The following DNAH14 variants were observed in gnomAD, a reference collection of about 807,000 sequenced individuals.
DNAH14 encodes dynein axonemal heavy chain 14.
A neutral mutation model predicts 520.9 loss-of-function variants in DNAH14; 478 were observed. That is an observed-to-expected ratio of 0.92 (90% confidence interval 0.85 to 0.99). The LOEUF is 0.99. Ranked by LOEUF, DNAH14 falls within the 50% of genes least tolerant of loss-of-function variation. The pLI is 0.00. For synonymous variants in DNAH14, 1,581 were observed against 1,757.2 expected, an observed-to-expected ratio of 0.90 and a Z score of 2.51; for missense variants, 4,831 against 5,234.5, an observed-to-expected ratio of 0.92 and a Z score of 2.38.
chr1:225,081,292 T>G (rs1231108917), intron 19 of DNAH14, among the ~76,000 whole-genome samples: 1 of 152,156 alleles, frequency 6.6e-6, no homozygotes, highest in Non-Finnish European at 1.5e-5. Context: ...CCCCTATCAC[T>G]CAGCTATACC....
chr1:225,356,807 T>C (rs1386704333), intron 73 of DNAH14, among the ~76,000 whole-genome samples: 2 of 152,160 alleles, frequency 1.3e-5, no homozygotes, highest in Admixed American at 1.3e-4. Flanking sequence ...AAGGATGAAT[T>C]ACCTGAAAAA....
intron 84 of DNAH14, chr1:225,396,947 C>A (rs769245303): frequency 6.6e-6 from 1 of 151,928 alleles, no homozygotes; most frequent in Non-Finnish European, 1.5e-5. Context: ...GGAAAATTTG[C>A]ATTTATATAA....
chr1:225,195,129 C>T (rs969428345), intron 38 of DNAH14, among the ~76,000 whole-genome samples: 2 of 152,110 alleles, frequency 1.3e-5, no homozygotes, highest in Admixed American at 1.3e-4. Flanking sequence ...TTAGAACTAC[C>T]ATTCAATCCA....
At chr1:225,279,732 G>T (rs2093583530) in intron 54 of DNAH14, among the ~76,000 whole-genome samples, 1 of 151,952 alleles carries the variant, frequency 6.6e-6, no homozygotes, top group Admixed American at 6.6e-5. Flanking sequence ...TCACATAAAT[G>T]TTCAGTTTTT....
chr1:225,336,827 T>C (rs1035264171), intron 66 of DNAH14, among the ~76,000 whole-genome samples: 1 of 152,218 alleles, frequency 6.6e-6, no homozygotes, highest in Non-Finnish European at 1.5e-5. Context: ...AGGGTTATTA[T>C]AGTAATTTCA....
chr1:224,944,251 G>T (rs9426096), intron 1 of DNAH14, among the ~76,000 whole-genome samples: 17 of 152,056 alleles, frequency 1.1e-4, no homozygotes, highest in African/African-American at 3.9e-4. Flanking sequence ...ATTATGTAAT[G>T]GCCTTCTTTG....
chr1:225,085,500 T>G lies in DNAH14; in HGVS notation c.3328-44T>G, dbSNP rs78678618. The G allele has an allele frequency of 3.7e-4, 535 of 1,465,488 alleles. 4 individuals carry two copies. The African/African-American group carries it at 7.0e-3, about 19-fold the overall frequency. The allele number at this position is 1,465,488 out of a possible 1,614,324, so 90.8% of individuals were successfully genotyped here. On this transcript the variant is annotated intron_variant, in intron 20 of 85. Transcript: ENST00000682510. ...ATTTCCATTTTGGACATATCAGGAATTATTTGCTATACTGGATACTAAAGA... is the reference window on the plus strand; with the variant it reads ...ATTTCCATTTTGGACATATCAGGAAGTATTTGCTATACTGGATACTAAAGA...
intron 30 of DNAH14, among the ~76,000 whole-genome samples, chr1:225,146,001 AT>A (rs2079903565): frequency 6.6e-6 from 1 of 152,180 alleles, no homozygotes; most frequent in Admixed American, 6.5e-5. Context: ...GAGATCCTGC[AT>A]TTCCAATTTG....
At chr1:225,227,994 T>G (rs2090711276) in intron 41 of DNAH14, among the ~76,000 whole-genome samples, 1 of 152,152 alleles carries the variant, frequency 6.6e-6, no homozygotes, top group East Asian at 1.9e-4. Context: ...GTTAAAATAT[T>G]ACTAGTGTCA....
Position 225,178,933 on chromosome 1 carries a change from G to A in DNAH14, c.5536-6358G>A, listed in dbSNP as rs184991688. Among the ~76,000 whole-genome samples, 50 of 152,224 alleles carry A rather than the reference G, an allele frequency of 3.3e-4. 1 individual carries two copies. The East Asian group carries it at 8.5e-3, about 26-fold the overall frequency. On this transcript the variant is annotated intron_variant, in intron 36 of 85. Coordinates refer to ENST00000682510, the MANE Select transcript of DNAH14 (RefSeq NM_001367479.1). ...GATAGTAAGTCTCACGAGATCTGATGGTTATTTCAAGGGGAATTTTTCCTG... is the reference window on the plus strand; with the variant it reads ...GATAGTAAGTCTCACGAGATCTGATAGTTATTTCAAGGGGAATTTTTCCTG...
At chr1:225,185,193 T>C in intron 36 of DNAH14, 98 bp from the exon 37 acceptor site, 1 of 1,296,886 alleles carries the variant, frequency 7.7e-7, no homozygotes, top group Non-Finnish European at 1.0e-6. Flanking sequence ...TCATTTATTA[T>C]AGCCACAAAA....
chr1:225,041,380 T>C (rs758010404), intron 12 of DNAH14, among the ~76,000 whole-genome samples: 5 of 152,258 alleles, frequency 3.3e-5, no homozygotes, highest in Non-Finnish European at 7.3e-5. Context: ...TAGCTGTGGC[T>C]ATTCCTCTCT....
chr1:225,024,833 ATAT>A (rs1017303206), intron 11 of DNAH14, among the ~76,000 whole-genome samples: 1 of 152,122 alleles, frequency 6.6e-6, no homozygotes, highest in African/African-American at 2.4e-5. Context: ...TTTTTGAAAG[ATAT>A]TATTATAATT....
At position 225,308,323 on chromosome 1, in the gene DNAH14, A is replaced by G; in HGVS notation, c.9153A>G (p.Ser3051=). Residue 3051 remains serine, a synonymous_variant, in exon 60 of 86, where the codon TCA becomes TCG. Transcript: ENST00000682510. The part of the protein sequence containing the change: ...ETLMEKLRKD[S]QVVEKVQMLV... ...TAATGGAAAAACTACGGAAAGATTC[A>G]CAAGTAGTTGAGAAAGTTCAGATGC... The G allele has an allele frequency of 3.2e-6, 5 of 1,543,264 alleles. No individual in the cohort carries two copies. Among genetic ancestry groups the G allele is most frequent in the Non-Finnish European group, 4.4e-6 (5 of 1,144,796 alleles).
intron 36 of DNAH14, among the ~76,000 whole-genome samples, chr1:225,171,126 A>C (rs945404017): frequency 4.6e-5 from 7 of 152,242 alleles, no homozygotes; most frequent in African/African-American, 9.6e-5. Flanking sequence ...AGCAGTGTGT[A>C]GAGGGAAATT....
chr1:225,200,417 A>G (rs113483140), intron 38 of DNAH14, among the ~76,000 whole-genome samples: 18 of 151,578 alleles, frequency 1.2e-4, no homozygotes, highest in Non-Finnish European at 1.9e-4. Flanking sequence ...GGTTTTTTTA[A>G]TTGTATTTTT....
At chr1:225,370,314 G>A (rs1449965352) in intron 77 of DNAH14, among the ~76,000 whole-genome samples, 9 of 150,444 alleles carry the variant, frequency 6.0e-5, no homozygotes, top group South Asian at 2.1e-4. Flanking sequence ...AAAAAAACAC[G>A]GGAAATCACA....
At chr1:224,981,772 G>C (rs1468979826) in intron 8 of DNAH14, among the ~76,000 whole-genome samples, 1 of 151,764 alleles carries the variant, frequency 6.6e-6, no homozygotes, top group Non-Finnish European at 1.5e-5. Context: ...ATTTTTGGTT[G>C]GTTTGTTTCA....
At chr1:225,029,036 C>A (rs1054526401) in intron 11 of DNAH14, among the ~76,000 whole-genome samples, 3 of 151,956 alleles carry the variant, frequency 2.0e-5, no homozygotes, top group African/African-American at 7.2e-5. Flanking sequence ...TTGTTCAAAT[C>A]TGGAAATAAT....
Sources: gnomAD v4.1 joint callset for allele counts (sites outside exome capture counted in the v4.1 genomes callset) on GRCh38, gnomAD v4.1.1 for gene constraint, MANE v1.5 for transcripts, NCBI Gene and HGNC (gene_info 2026-07-23, HGNC 2026-07-21) for gene names.